The following AGPAT2 variants were observed in gnomAD, a reference collection of about 807,000 sequenced individuals.
The protein encoded by AGPAT2 is 1-acyl-sn-glycerol-3-phosphate acyltransferase beta.
In AGPAT2, 18 loss-of-function variants were observed where a neutral mutation model predicts 26.1. The ratio of observed to expected loss-of-function variants is 0.69; its 90% CI spans 0.48 to 1.02. The LOEUF is 1.02. Ranked by LOEUF, AGPAT2 falls within the 50% of genes least tolerant of loss-of-function variation. The pLI is 0.00. For synonymous variants in AGPAT2, 200 were observed against 174.2 expected (o/e 1.15, Z -1.16); for missense variants, 415 against 394.9 (o/e 1.05, Z -0.43).
intron 2 of AGPAT2, 36 bp from the exon 3 acceptor site, chr9:136,677,172 G>C: frequency 6.2e-7 from 1 of 1,609,122 alleles, no homozygotes; most frequent in Non-Finnish European, 8.5e-7. Context: ...AGAGAGAGGG[G>C]GAGACAGCGT....
intron 1 of AGPAT2, among the ~76,000 whole-genome samples, chr9:136,685,328 C>A (rs1588269132): frequency 6.6e-6 from 1 of 152,240 alleles, no homozygotes; most frequent in African/African-American, 2.4e-5. Flanking sequence ...AATCTCCAAG[C>A]TGAGATGGGG....
intron 1 of AGPAT2, among the ~76,000 whole-genome samples, chr9:136,682,531 A>C (rs1846173623): frequency 6.6e-6 from 1 of 152,210 alleles, no homozygotes; most frequent in Admixed American, 6.5e-5. Flanking sequence ...GGGCAAAGCC[A>C]AGGTTGCCGG....
At chr9:136,685,067 G>A (rs555392755) in intron 1 of AGPAT2, among the ~76,000 whole-genome samples, 24 of 152,344 alleles carry the variant, frequency 1.6e-4, no homozygotes, top group Admixed American at 1.5e-3. Flanking sequence ...TGGGGAGCAC[G>A]TGCAGAGGTG....
Position 136,677,107 on chromosome 9 carries a change from C to A in AGPAT2, c.346G>T (p.Val116Leu). Residue 116 changes from valine (V) to leucine (L), a missense_variant, in exon 3 of 6, where the codon GTG (valine) becomes TTG (leucine). Coordinates refer to ENST00000371696, the MANE Select transcript of AGPAT2 (RefSeq NM_006412.4). ...AGCAGCTCCCGCTTGGCGATCTGCACGCAGCGCTCCGGAAGGACCTCCATG... is the reference window on the plus strand; with the variant it reads ...AGCAGCTCCCGCTTGGCGATCTGCAAGCAGCGCTCCGGAAGGACCTCCATG... ...GLMEVLPERC[V>L]QIAKRELLFL... 6.2e-7 allele frequency: 1 copy of A among 1,613,158 alleles called. No individual in the cohort carries two copies. The highest frequency in any genetic ancestry group is 8.5e-7 in the Non-Finnish European group (1 of 1,180,000).
At chr9:136,682,501 C>CT in intron 1 of AGPAT2, among the ~76,000 whole-genome samples, 1 of 152,080 alleles carries the variant, frequency 6.6e-6, no homozygotes. Flanking sequence ...TCCTGGACTC[C>CT]TTGCCTCCCC....
At chr9:136,681,721 G>A (rs751620309) in intron 1 of AGPAT2, among the ~76,000 whole-genome samples, 5 of 152,160 alleles carry the variant, frequency 3.3e-5, no homozygotes, top group African/African-American at 9.7e-5. Flanking sequence ...AGAATCACCC[G>A]AACCAGGGAG....
At chr9:136,679,038 G>A (rs188411369) in intron 1 of AGPAT2, among the ~76,000 whole-genome samples, 13 of 152,300 alleles carry the variant, frequency 8.5e-5, no homozygotes, top group Admixed American at 1.3e-4. Context: ...ACAGGCCTGA[G>A]CCAACTCGCC....
In AGPAT2 at chr9:136,677,464, C is replaced by G. The variant is rs997858799; in HGVS notation, c.275G>C (p.Cys92Ser). The G allele has an allele frequency of 6.2e-7, 1 of 1,613,146 alleles. No individual in the cohort carries two copies. Among genetic ancestry groups the G allele is most frequent in the Admixed American group, 1.7e-5 (1 of 60,028 alleles). Residue 92 changes from cysteine to serine, a missense_variant, in exon 2 of 6, where the codon TGT becomes TCT. Transcript: ENST00000371696. ...DPRRLQEARP[C>S]VIVSNHQSIL... ...GCTCTGGTGGTTGGAGACGATGACACAGGGACGGGCCTCCTGCAGCCTGCG... is the reference window on the plus strand; with the variant it reads ...GCTCTGGTGGTTGGAGACGATGACAGAGGGACGGGCCTCCTGCAGCCTGCG...
chr9:136,678,386 T>A (rs1388414909), intron 1 of AGPAT2, among the ~76,000 whole-genome samples: 1 of 152,192 alleles, frequency 6.6e-6, no homozygotes, highest in Non-Finnish European at 1.5e-5. Context: ...TCTGACCAGC[T>A]CCGAGCGTCC....
Position 136,673,783 on chromosome 9 carries a change from GTGGCCCCGTTCTCC to G in AGPAT2, c.792_805del (p.Gln264HisfsTer208). 6.2e-7 allele frequency: 1 copy of G among 1,603,438 alleles called. No individual in the cohort carries two copies. Among genetic ancestry groups the G allele is most frequent in the East Asian group, 2.2e-5 (1 of 44,588 alleles). ...GGCCGGCTGCACGCCAGACCCCGCA[GTGGCCCCGTTCTCC>G]TGGGGGGTCTTGGAGATGTGGAGGA... is the stretch of plus-strand genomic sequence containing the variant. On this transcript the variant is annotated frameshift_variant, in exon 6 of 6. Coordinates refer to ENST00000371696, the MANE Select transcript of AGPAT2 (RefSeq NM_006412.4). LOFTEE classifies it low-confidence loss of function (END_TRUNC).
chr9:136,675,526 G>A (rs901866178), intron 4 of AGPAT2, among the ~76,000 whole-genome samples: 2 of 145,546 alleles, frequency 1.4e-5, no homozygotes, highest in African/African-American at 5.1e-5. Flanking sequence ...GGGAGGGAGG[G>A]GGCCAGCAGG....
At chr9:136,681,573 G>A (rs530012306) in intron 1 of AGPAT2, among the ~76,000 whole-genome samples, 25 of 152,316 alleles carry the variant, frequency 1.6e-4, no homozygotes, top group Non-Finnish European at 1.2e-4. Flanking sequence ...AGGCCAAGGC[G>A]GGCAGATCAC....
rs368352508 is a variant in AGPAT2, at chr9:136,673,721, C to T, written c.*31G>A. ...CTCCAGCCATCGGCTTCCACCTGCC[C>T]TCCCCAGGTCATGCCCTGCCGTGGT... On this transcript the variant is annotated 3_prime_UTR_variant, in exon 6 of 6. Coordinates refer to ENST00000371696, the MANE Select transcript of AGPAT2 (RefSeq NM_006412.4). 3.6e-4 allele frequency: 546 copies of T among 1,532,770 alleles called. 4 individuals carry two copies. In the African/African-American group the frequency reaches 6.9e-3, roughly 19 times the overall value. The allele number at this position is 1,532,770 out of a possible 1,614,324, so 94.9% of individuals were successfully genotyped here.
chr9:136,679,746 A>G (rs993202630), intron 1 of AGPAT2, among the ~76,000 whole-genome samples: 1 of 152,224 alleles, frequency 6.6e-6, no homozygotes, highest in Non-Finnish European at 1.5e-5. Context: ...CCTGGCACAG[A>G]TTAAAACGCC....
At chr9:136,679,564 A>G (rs1588265721) in intron 1 of AGPAT2, among the ~76,000 whole-genome samples, 1 of 152,032 alleles carries the variant, frequency 6.6e-6, no homozygotes, top group East Asian at 1.9e-4. Context: ...TTGCCTCCAC[A>G]CTCATTTGCG....
chr9:136,676,907 T>TGGCCCCGCCCA, intron 3 of AGPAT2, 54 bp downstream of exon 3: 1 of 1,533,506 alleles, frequency 6.5e-7, no homozygotes, highest in Non-Finnish European at 9.0e-7. Context: ...GGCCCCTGCC[T>TGGCCCCGCCCA]GGCCCCGCCC....
rs1255380257 is a variant in AGPAT2 at position 136,673,904 on chromosome 9, C to A, written c.685G>T (p.Glu229Ter). 1.9e-6 allele frequency: 3 copies of A among 1,592,188 alleles called. No homozygotes were observed. The highest frequency in any genetic ancestry group is 2.6e-6 in the Non-Finnish European group (3 of 1,170,252). Residue 229 changes from glutamate to a stop codon, truncating the protein, a stop_gained, in exon 6 of 6, where the codon GAA (glutamate) becomes TAA (stop). Transcript: ENST00000371696. LOFTEE classifies it low-confidence loss of function (END_TRUNC). ...TSGTVTVQVL[E>*]AIPTSGLTAA... ...GTGAGGCCGCTGGTGGGGATGGCTT[C>A]CAGCACCTGCACTGTGACTGTTCCT...
rs1440988878 is a variant in AGPAT2, at chr9:136,676,656, C to T, written c.517G>A (p.Gly173Ser). 3.7e-6 allele frequency: 6 copies of T among 1,613,488 alleles called. No homozygotes were observed. The highest frequency in any genetic ancestry group is 3.3e-5 in the Admixed American group (2 of 60,002). The change falls in exon 4 of 6, where the codon GGT becomes AGT. Residue 173 changes from glycine to serine, a missense_variant. Gly to Ser is a moderately conservative substitution (Grantham distance 56). Transcript: ENST00000371696. ...ENLKVWIYPE[G>S]TRNDNGDLLP... Reference sequence around the variant, plus strand: ...AGGTCCCCATTGTCGTTGCGAGTACCCTCGGGATAGATCCACACTTTGAGC... The same window carrying T: ...AGGTCCCCATTGTCGTTGCGAGTACTCTCGGGATAGATCCACACTTTGAGC...
Position 136,677,827 on chromosome 9 carries a change from G to A in AGPAT2, c.183-271C>T, listed in dbSNP as rs530364161. The stretch of plus-strand genomic sequence containing the variant: ...TCGGATGCTAGGAGCATGGGAAGGC[G>A]CCCACTTCCAAATCCACATCCAGGG... On this transcript the variant is annotated intron_variant, in intron 1 of 5. Coordinates refer to ENST00000371696, the MANE Select transcript of AGPAT2 (RefSeq NM_006412.4). 5.3e-3 allele frequency among the ~76,000 whole-genome samples: 807 copies of A among 152,242 alleles called. 11 individuals carry two copies. Among genetic ancestry groups the A allele is most frequent in the African/African-American group, 0.019 (784 of 41,532 alleles).
Sources: allele counts gnomAD v4.1 joint callset (sites outside exome capture counted in the v4.1 genomes callset), GRCh38; gene constraint gnomAD v4.1.1; transcripts MANE v1.5; gene names NCBI Gene and HGNC (gene_info 2026-07-23, HGNC 2026-07-21).